Variants in PSD3 observed in about 807,000 individuals in gnomAD.
The protein encoded by PSD3 is PH and SEC7 domain-containing protein 3.
PSD3 carries 49 observed loss-of-function variants against 105.5 expected under a neutral mutation model. The observed-to-expected ratio is 0.46, with a 90% CI of 0.37 to 0.59. PSD3 has a LOEUF of 0.59. PSD3 is among the 20% of genes least tolerant of loss of function. The pLI is 0.00. For missense variants in PSD3, 1,561 were observed against 1,263.8 expected (o/e 1.24, Z -3.57); for synonymous variants, 557 against 457.8 (o/e 1.22, Z -2.77).
chr8:18,808,938 C>A, intron 4 of PSD3: 1 of 1,461,932 alleles, frequency 6.8e-7, no homozygotes. Flanking sequence ...ACATTCTCAG[C>A]CGAGTGTTCA....
At chr8:18,723,609 C>G (rs1443283338) in intron 9 of PSD3, among the ~76,000 whole-genome samples, 1 of 152,184 alleles carries the variant, frequency 6.6e-6, no homozygotes, top group East Asian at 1.9e-4. Context: ...CCTTCTGTAT[C>G]TCCAGTACCA....
At chr8:18,737,813 A>C (rs1258803532) in intron 9 of PSD3, among the ~76,000 whole-genome samples, 1 of 152,144 alleles carries the variant, frequency 6.6e-6, no homozygotes, top group Non-Finnish European at 1.5e-5. Flanking sequence ...ACACAAAACT[A>C]GTCTTGCATC....
At chr8:18,974,400 T>C (rs1824815242) in intron 1 of PSD3, among the ~76,000 whole-genome samples, 1 of 440 alleles carries the variant, frequency 2.3e-3, no homozygotes, top group Non-Finnish European at 5.7e-3. Flanking sequence ...TTCAAAATCC[T>C]CTGAAACTGA....
chr8:18,806,631 G>A (rs974106375), intron 4 of PSD3, among the ~76,000 whole-genome samples: 3 of 152,120 alleles, frequency 2.0e-5, no homozygotes, highest in African/African-American at 7.2e-5. Context: ...GCCACATATG[G>A]CCCCTGTCAC....
rs1827475081 is a variant in PSD3 at position 19,024,493 on chromosome 8, T to C, written c.324+59713A>G. ...CTGTGTGGGATAAAACAAAATATAT[T>C]TGGTCTTTGTCCTGGTTTCTAAAAC... On this transcript the variant is annotated intron_variant, in intron 1 of 1. Coordinates refer to the PSD3 transcript ENST00000521475. Among the ~76,000 whole-genome samples, 3 of 152,174 alleles carry C rather than the reference T, an allele frequency of 2.0e-5. No individual in the cohort carries two copies. In the South Asian group the frequency reaches 6.2e-4, roughly 32 times the overall value.
At chr8:18,645,276 T>C (rs1046836864) in intron 10 of PSD3, among the ~76,000 whole-genome samples, 3 of 152,228 alleles carry the variant, frequency 2.0e-5, no homozygotes, top group Non-Finnish European at 2.9e-5. Context: ...TTCCTTTAAA[T>C]ACCAAAATCC....
chr8:18,730,749 G>A (rs1205354189), intron 9 of PSD3, among the ~76,000 whole-genome samples: 4 of 152,132 alleles, frequency 2.6e-5, no homozygotes, highest in Non-Finnish European at 5.9e-5. Context: ...GATGTCCTTT[G>A]GGAAGCCTTG....
chr8:18,977,136 T>A (rs774816985), intron 1 of PSD3, among the ~76,000 whole-genome samples: 2 of 151,934 alleles, frequency 1.3e-5, no homozygotes, highest in Non-Finnish European at 2.9e-5. Context: ...GGTACATGCC[T>A]GTAATCCCAG....
intron 10 of PSD3, among the ~76,000 whole-genome samples, chr8:18,649,212 G>A (rs1048486228): frequency 1.3e-5 from 2 of 152,180 alleles, no homozygotes; most frequent in African/African-American, 2.4e-5. Flanking sequence ...GGCACTCAAC[G>A]CCAGCCCATG....
Position 18,839,797 on chromosome 8 carries a change from C to G in PSD3, c.1634+27877G>C, listed in dbSNP as rs987596391. ...AACACTTGGGCTTGGCTATAACTCTCCCATGACACAGGGATGACACAAATT... is the reference window on the plus strand; with the variant it reads ...AACACTTGGGCTTGGCTATAACTCTGCCATGACACAGGGATGACACAAATT... On this transcript the variant is annotated intron_variant, in intron 4 of 15. Coordinates refer to ENST00000327040, the MANE Select transcript of PSD3 (RefSeq NM_015310.4). Among the ~76,000 whole-genome samples, 2 of 152,164 alleles carry G rather than the reference C, an allele frequency of 1.3e-5. 1 individual carries two copies. Among genetic ancestry groups the G allele is most frequent in the South Asian group, 4.1e-4 (2 of 4,826 alleles).
chr8:18,682,175 T>A (rs1800426741), intron 9 of PSD3, among the ~76,000 whole-genome samples: 1 of 152,168 alleles, frequency 6.6e-6, no homozygotes, highest in African/African-American at 2.4e-5. Flanking sequence ...CCCACTAATA[T>A]TACAATGCCT....
intron 4 of PSD3, among the ~76,000 whole-genome samples, chr8:18,827,440 G>A (rs1813288487): frequency 1.3e-5 from 2 of 152,212 alleles, no homozygotes; most frequent in Admixed American, 1.3e-4. Flanking sequence ...AGTCAGAGAG[G>A]GGCGTGGAAT....
intron 4 of PSD3, chr8:18,865,265 TATATATATATATA>T (rs1563360358): frequency 0.04 from 308 of 7,644 alleles, 45 homozygotes; most frequent in Non-Finnish European, 0.052. Context: ...TATATATATA[TATATATATATATA>T]TATATATATT....
At position 18,535,698 on chromosome 8, in the gene PSD3, C is replaced by T; in HGVS notation, c.*45G>A. Reference sequence around the variant, plus strand: ...GGATTACCAGAAAGATCTTGAAAAACCCTATTTTGCTCCATGACCAGCACT... The same window carrying T: ...GGATTACCAGAAAGATCTTGAAAAATCCTATTTTGCTCCATGACCAGCACT... On this transcript the variant is annotated 3_prime_UTR_variant, in exon 16 of 16. Coordinates refer to ENST00000327040, the MANE Select transcript of PSD3 (RefSeq NM_015310.4). 1 of 1,468,794 alleles carries T rather than the reference C, an allele frequency of 6.8e-7. No homozygotes were observed. The highest frequency in any genetic ancestry group is 9.5e-7 in the Non-Finnish European group (1 of 1,049,182). 91.0% of individuals were successfully genotyped at this position (1,468,794 alleles called of 1,614,324 possible). A position where few individuals can be genotyped will look rare whatever the true frequency, so the allele number is the denominator to read the frequency against.
At chr8:18,556,835 G>T (rs570336333) in intron 14 of PSD3, among the ~76,000 whole-genome samples, 1 of 152,290 alleles carries the variant, frequency 6.6e-6, no homozygotes, top group African/African-American at 2.4e-5. Context: ...GAGCTACGAA[G>T]AAAAATTTCT....
chr8:19,013,492 A>G, intron 1 of PSD3, 71 bp downstream of exon 1: 1 of 1,576,556 alleles, frequency 6.3e-7, no homozygotes, highest in East Asian at 2.4e-5. Flanking sequence ...GCGACAAAGC[A>G]ACACAAACCC....
chr8:18,678,752 C>G (rs535893709), intron 9 of PSD3, among the ~76,000 whole-genome samples: 1 of 151,826 alleles, frequency 6.6e-6, no homozygotes, highest in Admixed American at 6.6e-5. Context: ...GCAGAGGTTG[C>G]GGTGAGCCGA....
chr8:18,548,768 G>A (rs1298515756), intron 15 of PSD3, among the ~76,000 whole-genome samples: 1 of 152,172 alleles, frequency 6.6e-6, no homozygotes, highest in African/African-American at 2.4e-5. Context: ...GGGGATGGGA[G>A]TGTGAGGTGC....
intron 9 of PSD3, among the ~76,000 whole-genome samples, chr8:18,738,418 A>G (rs1017990209): frequency 7.9e-5 from 12 of 152,180 alleles, no homozygotes; most frequent in Non-Finnish European, 1.2e-4. Context: ...CTATGATGAG[A>G]TAACATCTGC....
Sources: gnomAD v4.1 joint callset for allele counts (sites outside exome capture counted in the v4.1 genomes callset) on GRCh38, gnomAD v4.1.1 for gene constraint, MANE v1.5 for transcripts, NCBI Gene and HGNC (gene_info 2026-07-23, HGNC 2026-07-21) for gene names.